Variants in STON2 observed in about 807,000 individuals in gnomAD.
The protein encoded by STON2 is stonin-2.
A neutral mutation model predicts 65.7 loss-of-function variants in STON2; 29 were observed. The observed-to-expected ratio is 0.44, with a 90% CI of 0.33 to 0.60. The LOEUF is 0.60. STON2 is among the 20% of genes least tolerant of loss of function. The pLI, the probability that STON2 is intolerant of heterozygous loss-of-function variation, is 0.03. For missense variants in STON2, 1,054 were observed against 1,118.1 expected, an observed-to-expected ratio of 0.94 and a Z score of 0.82; for synonymous variants, 404 against 414.2, an observed-to-expected ratio of 0.98 and a Z score of 0.30.
At chr14:81,387,663 T>A (rs1899878774) in intron 3 of STON2, among the ~76,000 whole-genome samples, 1 of 151,744 alleles carries the variant, frequency 6.6e-6, no homozygotes, top group Non-Finnish European at 1.5e-5. Flanking sequence ...CTGAGGTGGG[T>A]GGATCACCCA....
chr14:81,347,633 A>AAAC (rs1555401765), intron 4 of STON2, among the ~76,000 whole-genome samples: 1 of 150,288 alleles, frequency 6.7e-6, no homozygotes, highest in African/African-American at 2.4e-5. Flanking sequence ...AAAAAAAAAA[A>AAAC]AAAACCCTAC....
In STON2 at chr14:81,281,216, G is replaced by A. The variant is rs112304324; in HGVS notation, c.743-2477C>T. On this transcript the variant is annotated intron_variant, in intron 5 of 7. Transcript: ENST00000614646. ...TCAAATTAAGCATGAATCCAGTTTT[G>A]TATAAGTGATTAATTTTCTGAAAAT... Among the ~76,000 whole-genome samples, 556 of 152,204 alleles carry A rather than the reference G, an allele frequency of 3.7e-3. 6 individuals are homozygous for A. The highest frequency in any genetic ancestry group is 0.013 in the African/African-American group (525 of 41,514).
intron 5 of STON2, among the ~76,000 whole-genome samples, chr14:81,311,426 G>A (rs1395817120): frequency 6.6e-6 from 1 of 152,166 alleles, no homozygotes; most frequent in Non-Finnish European, 1.5e-5. Flanking sequence ...AAGGAGAAAA[G>A]AAAAGGCTGA....
intron 2 of STON2, among the ~76,000 whole-genome samples, chr14:81,405,410 A>C (rs1900796810): frequency 6.9e-6 from 1 of 144,686 alleles, no homozygotes; most frequent in Non-Finnish European, 1.5e-5. Context: ...TGCTTTAAAG[A>C]CTTTGCCTGC....
chr14:81,288,746 C>T (rs1595298247), intron 5 of STON2, among the ~76,000 whole-genome samples: 2 of 149,788 alleles, frequency 1.3e-5, no homozygotes, highest in Admixed American at 6.6e-5. Context: ...CTTTTTGTTT[C>T]GGAGGTTAAA....
chr14:81,279,765 C>T (rs1259787348), intron 5 of STON2, among the ~76,000 whole-genome samples: 2 of 151,726 alleles, frequency 1.3e-5, no homozygotes, highest in Non-Finnish European at 2.9e-5. Context: ...GTAAAGGTGC[C>T]ATAATAGGAG....
chr14:81,343,099 A>G (rs1006405), intron 4 of STON2, among the ~76,000 whole-genome samples: 47,373 of 151,990 alleles, frequency 0.31, 8,022 homozygotes, highest in South Asian at 0.38. Flanking sequence ...GAGAAAACAC[A>G]TAAGTTGAAA....
chr14:81,299,080 G>A (rs1895874142), intron 5 of STON2, among the ~76,000 whole-genome samples: 1 of 152,108 alleles, frequency 6.6e-6, no homozygotes, highest in Non-Finnish European at 1.5e-5. Context: ...ACACTCATAA[G>A]TTCTAGCCAC....
chr14:81,361,420 T>C (rs1264508011), intron 4 of STON2, among the ~76,000 whole-genome samples: 1 of 152,122 alleles, frequency 6.6e-6, no homozygotes, highest in Admixed American at 6.6e-5. Flanking sequence ...CTTCAATAAA[T>C]GGTGTTGGGG....
At chr14:81,320,483 T>C (rs537643998) in intron 5 of STON2, among the ~76,000 whole-genome samples, 1 of 113,846 alleles carries the variant, frequency 8.8e-6, no homozygotes, top group African/African-American at 4.2e-5. Context: ...GAAACAGCAC[T>C]TCCAGCCAAA....
rs763509871 is a variant in STON2, at chr14:81,396,032, A to G, written c.235T>C (p.Ser79Pro). The change falls in exon 3 of 8, where the codon TCT becomes CCT. Residue 79 changes from serine (S) to proline (P), a missense_variant. Transcript: ENST00000614646. ...DDSSEKMGLI[S>P]EAASPPGSPE... ...CTCCCAGGTGGGGAAGCTGCTTCAGAGATGAGGCCCATCTTTTCAGAGGAG... is the reference window on the plus strand; with the variant it reads ...CTCCCAGGTGGGGAAGCTGCTTCAGGGATGAGGCCCATCTTTTCAGAGGAG... 6.2e-7 allele frequency: 1 copy of G among 1,614,184 alleles called. No individual in the cohort carries two copies. Among genetic ancestry groups the G allele is most frequent in the South Asian group, 1.1e-5 (1 of 91,078 alleles).
chr14:81,275,313 A>G (rs778794937), intron 6 of STON2, among the ~76,000 whole-genome samples: 5 of 152,162 alleles, frequency 3.3e-5, no homozygotes, highest in Admixed American at 2.6e-4. Context: ...CACCAGTGAT[A>G]TATTAAGAAA....
At chr14:81,315,474 C>T (rs1173329853) in intron 5 of STON2, among the ~76,000 whole-genome samples, 3 of 152,004 alleles carry the variant, frequency 2.0e-5, no homozygotes, top group African/African-American at 7.3e-5. Context: ...TCCCCCCAGA[C>T]AATGAAGTCG....
At chr14:81,337,788 G>T (rs1002566158) in intron 4 of STON2, among the ~76,000 whole-genome samples, 3 of 152,068 alleles carry the variant, frequency 2.0e-5, no homozygotes, top group Non-Finnish European at 4.4e-5. Context: ...ATGTATGGGG[G>T]TGTCACATTA....
intron 4 of STON2, among the ~76,000 whole-genome samples, chr14:81,352,888 T>G (rs1898078922): frequency 6.6e-6 from 1 of 152,186 alleles, no homozygotes; most frequent in African/African-American, 2.4e-5. Flanking sequence ...AAACTGTTGC[T>G]CTTTCTTAGA....
At position 81,262,310 on chromosome 14, in the gene STON2, C is replaced by CA. The variant is rs1226740877; in HGVS notation, c.*6103dup. 3.0e-6 allele frequency: 3 copies of CA among 985,344 alleles called. No individual in the cohort carries two copies. In the East Asian group the frequency reaches 3.4e-4, roughly 112 times the overall value. The allele number at this position is 985,344 out of a possible 1,614,324, so 61.0% of individuals were successfully genotyped here. ...TGAGTGACTTTAAATAAACAATCCT[C>CA]AATGTCCTCGTGTCTAGCCTTTCCT... On this transcript the variant is annotated 3_prime_UTR_variant, in exon 8 of 8. Coordinates refer to ENST00000614646, the MANE Select transcript of STON2 (RefSeq NM_001394390.1).
At chr14:81,355,643 G>T (rs1003145414) in intron 4 of STON2, among the ~76,000 whole-genome samples, 1 of 152,178 alleles carries the variant, frequency 6.6e-6, no homozygotes, top group Admixed American at 6.5e-5. Flanking sequence ...ACTGATAAGT[G>T]AAGTTTTTAA....
chr14:81,347,902 C>CAAAAAAAAAAAAAA (rs755109204), intron 4 of STON2, among the ~76,000 whole-genome samples: 7 of 51,552 alleles, frequency 1.4e-4, no homozygotes, highest in Non-Finnish European at 1.7e-4. Context: ...TGTCTCTTAC[C>CAAAAAAAAAAAAAA]AAAAAAAAAA....
chr14:81,357,444 T>A (rs953268556), intron 4 of STON2, among the ~76,000 whole-genome samples: 2 of 151,672 alleles, frequency 1.3e-5, no homozygotes, highest in African/African-American at 4.8e-5. Context: ...ACTTTTACAC[T>A]GTTGGTGGGA....
Sources: gnomAD v4.1 joint callset for allele counts (sites outside exome capture counted in the v4.1 genomes callset) on GRCh38, gnomAD v4.1.1 for gene constraint, MANE v1.5 for transcripts, NCBI Gene and HGNC (gene_info 2026-07-23, HGNC 2026-07-21) for gene names.